Variants in CPEB1 observed in about 807,000 individuals in gnomAD.
The protein encoded by CPEB1 is cytoplasmic polyadenylation element binding protein 1.
In CPEB1, 7 loss-of-function variants were observed where a neutral mutation model predicts 65.8. That is an observed-to-expected ratio of 0.11 (90% CI 0.06 to 0.20). The LOEUF (loss-of-function observed/expected upper bound fraction) is 0.20, where lower values mean the gene tolerates loss of function less well. Ranked by LOEUF, CPEB1 falls within the 10% of genes least tolerant of loss-of-function variation. The pLI, the probability that CPEB1 is intolerant of heterozygous loss-of-function variation, is 1.00. For missense variants in CPEB1, 551 were observed against 712.2 expected (o/e 0.77, Z 2.58); for synonymous variants, 262 against 260.0 (o/e 1.01, Z -0.08).
intron 3 of CPEB1, among the ~76,000 whole-genome samples, chr15:82,593,405 A>G (rs775963410): frequency 6.6e-5 from 10 of 152,200 alleles, no homozygotes; most frequent in Non-Finnish European, 1.5e-4. Context: ...GTAAGAAGCA[A>G]TTCATCCCAA....
intron 3 of CPEB1, among the ~76,000 whole-genome samples, chr15:82,580,627 C>T (rs2041186983): frequency 6.6e-6 from 1 of 151,938 alleles, no homozygotes; most frequent in African/African-American, 2.4e-5. Flanking sequence ...ACCTCTAGAG[C>T]TTTTTTTACG....
At position 82,590,209 on chromosome 15, in the gene CPEB1, C is replaced by CAA. The variant is rs5814120; in HGVS notation, c.272-18679_272-18678dup. Among the ~76,000 whole-genome samples, 106 of 104,122 alleles carry CAA rather than the reference C, an allele frequency of 1.0e-3. 14 individuals carry two copies. The highest frequency in any genetic ancestry group is 4.6e-3 in the South Asian group (16 of 3,480). 68.3% of individuals were successfully genotyped at this position (104,122 alleles called of 152,430 possible). A position where few individuals can be genotyped will look rare whatever the true frequency, so the allele number is the denominator to read the frequency against. On this transcript the variant is annotated intron_variant, in intron 3 of 12. Transcript: ENST00000684509. ...CCTATGTGTCCCCTCATCCCTTTGACAAAAAAAAAAAAAAAAAAAAAAAAA... is the reference window on the plus strand; with the variant it reads ...CCTATGTGTCCCCTCATCCCTTTGACAAAAAAAAAAAAAAAAAAAAAAAAAAA...
At chr15:82,613,038 A>G (rs1468700507) in intron 3 of CPEB1, among the ~76,000 whole-genome samples, 1 of 152,208 alleles carries the variant, frequency 6.6e-6, no homozygotes, top group East Asian at 1.9e-4. Flanking sequence ...GCGAGGAAAA[A>G]AAAAAACTTT....
intron 3 of CPEB1, among the ~76,000 whole-genome samples, chr15:82,623,604 A>C (rs2045504167): frequency 6.6e-6 from 1 of 152,098 alleles, no homozygotes; most frequent in Non-Finnish European, 1.5e-5. Flanking sequence ...TGGACCCGGG[A>C]GTTGGAGGTT....
chr15:82,579,115 G>A (rs2040966018), intron 3 of CPEB1, among the ~76,000 whole-genome samples: 1 of 152,108 alleles, frequency 6.6e-6, no homozygotes, highest in Admixed American at 6.5e-5. Flanking sequence ...GAACCACCAT[G>A]CCCAGCCTTA....
At chr15:82,576,554 G>C (rs1567195636) in intron 3 of CPEB1, among the ~76,000 whole-genome samples, 1 of 152,138 alleles carries the variant, frequency 6.6e-6, no homozygotes, top group African/African-American at 2.4e-5. Flanking sequence ...ATGTGATAAG[G>C]CAAATATGAC....
At chr15:82,614,741 AGAAAGAAAC>A (rs2044528221) in intron 3 of CPEB1, among the ~76,000 whole-genome samples, 1 of 152,010 alleles carries the variant, frequency 6.6e-6, no homozygotes, top group African/African-American at 2.4e-5. Context: ...AAAAAAAGAA[AGAAAGAAAC>A]GAAACGAAAC....
chr15:82,617,222 G>GTTGT (rs1406527375), intron 3 of CPEB1, among the ~76,000 whole-genome samples: 1 of 152,198 alleles, frequency 6.6e-6, no homozygotes, highest in East Asian at 1.9e-4. Flanking sequence ...ATTCATCCAT[G>GTTGT]TTGTAGTAGC....
intron 3 of CPEB1, among the ~76,000 whole-genome samples, chr15:82,626,550 G>A (rs2045793619): frequency 6.6e-6 from 1 of 152,146 alleles, no homozygotes; most frequent in Non-Finnish European, 1.5e-5. Context: ...ACACCATTAG[G>A]ACATCCACAC....
intron 3 of CPEB1, among the ~76,000 whole-genome samples, chr15:82,621,579 T>C (rs2045305432): frequency 6.6e-6 from 1 of 151,246 alleles, no homozygotes; most frequent in African/African-American, 2.4e-5. Flanking sequence ...GATCCCGCCA[T>C]TGCACTCCAG....
At chr15:82,636,870 A>G (rs1167753995) in intron 1 of CPEB1, among the ~76,000 whole-genome samples, 1 of 152,204 alleles carries the variant, frequency 6.6e-6, no homozygotes, top group Non-Finnish European at 1.5e-5. Flanking sequence ...TTTTAGATAC[A>G]TCAAGAGAAA....
chr15:82,611,930 T>C (rs2044194915), intron 3 of CPEB1, among the ~76,000 whole-genome samples: 1 of 151,298 alleles, frequency 6.6e-6, no homozygotes, highest in Non-Finnish European at 1.5e-5. Flanking sequence ...GCAAACGTAA[T>C]GTTAAGAAAT....
intron 4 of CPEB1, among the ~76,000 whole-genome samples, chr15:82,562,665 C>T (rs1179157397): frequency 6.6e-6 from 1 of 151,794 alleles, no homozygotes; most frequent in Non-Finnish European, 1.5e-5. Flanking sequence ...CATAGTAAGG[C>T]CTGTCTCTAA....
intron 3 of CPEB1, among the ~76,000 whole-genome samples, chr15:82,579,465 A>T (rs924064246): frequency 1.3e-5 from 2 of 149,480 alleles, no homozygotes; most frequent in Non-Finnish European, 3.0e-5. Flanking sequence ...AACAATTATT[A>T]AAGAATAAAA....
At chr15:82,572,733 C>CT (rs1443288334) in intron 3 of CPEB1, among the ~76,000 whole-genome samples, 1 of 152,186 alleles carries the variant, frequency 6.6e-6, no homozygotes, top group Non-Finnish European at 1.5e-5. Flanking sequence ...CTTCCAGGAG[C>CT]CCTGAGCATG....
intron 3 of CPEB1, among the ~76,000 whole-genome samples, chr15:82,599,247 C>G (rs1323474097): frequency 1.3e-5 from 2 of 152,180 alleles, no homozygotes; most frequent in Non-Finnish European, 2.9e-5. Flanking sequence ...CACTACTACT[C>G]AACTGGACAC....
intron 8 of CPEB1, 26 bp downstream of exon 8, chr15:82,553,441 G>A: frequency 6.3e-7 from 1 of 1,580,986 alleles, no homozygotes; most frequent in African/African-American, 1.3e-5. Context: ...CTCCTACCAT[G>A]TCTTTATTAC....
rs1447704014 is a variant in CPEB1 at position 82,554,925 on chromosome 15, A to T, written c.941-934T>A. ...TTTCACAGGAAAACAATGGCACCAG[A>T]GAAAGTACAAAGATGGGTTGCCAAA... On this transcript the variant is annotated intron_variant, in intron 6 of 12. Coordinates refer to ENST00000684509, the MANE Select transcript of CPEB1 (RefSeq NM_001365242.1). 2.0e-5 allele frequency among the ~76,000 whole-genome samples: 3 copies of T among 152,264 alleles called. No individual in the cohort carries two copies. The East Asian group carries it at 5.8e-4, about 29-fold the overall frequency.
At chr15:82,589,203 T>C (rs915599845) in intron 3 of CPEB1, among the ~76,000 whole-genome samples, 6 of 152,364 alleles carry the variant, frequency 3.9e-5, no homozygotes, top group African/African-American at 1.4e-4. Flanking sequence ...CCTGTACCTC[T>C]TAAACATCCC....
Sources: gnomAD v4.1 joint callset for allele counts (sites outside exome capture counted in the v4.1 genomes callset) on GRCh38, gnomAD v4.1.1 for gene constraint, MANE v1.5 for transcripts, NCBI Gene and HGNC (gene_info 2026-07-23, HGNC 2026-07-21) for gene names.